C2: variants seen among roughly 807,000 people sequenced by gnomAD.
The protein encoded by C2 is complement C2.
C2 carries 64 observed loss-of-function variants against 85.2 expected under a neutral mutation model. The ratio of observed to expected loss-of-function variants is 0.75; its 90% CI spans 0.61 to 0.92. The LOEUF is 0.92. Ranked by LOEUF, C2 falls within the 40% of genes least tolerant of loss-of-function variation. The probability of loss-of-function intolerance (pLI) is 0.00; values close to 1 mark genes in which losing one functional copy is unlikely to be tolerated. For synonymous variants in C2, 311 were observed against 370.8 expected, an observed-to-expected ratio of 0.84 and a Z score of 1.85; for missense variants, 820 against 971.6, an observed-to-expected ratio of 0.84 and a Z score of 2.07.
chr6:31,900,753 G>C (rs775717094), upstream of C2: 6 of 1,592,184 alleles, frequency 3.8e-6, no homozygotes, highest in Admixed American at 8.5e-5. The surrounding 1 kb of genome is among the most constrained non-coding windows in gnomAD (Gnocchi z 9.7). Context: ...TCATCCAGTG[G>C]GAACTCCAGC....
chr6:31,900,936 T>G, upstream of C2: 3 of 1,614,172 alleles, frequency 1.9e-6, no homozygotes, highest in Non-Finnish European at 2.5e-6. The surrounding 1 kb of genome is among the most constrained non-coding windows in gnomAD (Gnocchi z 9.7). Context: ...ATGAACTGGC[T>G]GAGGGCATTC....
In C2 at chr6:31,943,854, C is replaced by T; in HGVS notation, c.1733+45C>T. ...GGAGGGTGCCCTGCAGGGAAGAGTGCTCTGGAGATCCCTGGAAGAGATACT... is the reference window on the plus strand; with the variant it reads ...GGAGGGTGCCCTGCAGGGAAGAGTGTTCTGGAGATCCCTGGAAGAGATACT... On this transcript the variant is annotated intron_variant, in intron 13 of 17. Transcript: ENST00000299367. The surrounding 1 kb of genome is among the most constrained non-coding windows in gnomAD (Gnocchi z 6.4). 1 of 1,611,514 alleles carries T rather than the reference C, an allele frequency of 6.2e-7. No individual in the cohort carries two copies. Among genetic ancestry groups the T allele is most frequent in the Non-Finnish European group, 8.5e-7 (1 of 1,178,738 alleles).
At chr6:31,897,950 G>A (rs1238873806), upstream of C2, 1 of 1,041,538 alleles carries the variant, frequency 9.6e-7, no homozygotes, top group Admixed American at 5.5e-5. Context: ...TAGGTAACAA[G>A]CGGAGCTTCT....
Position 31,907,667 on chromosome 6 carries a change from C to T in C2, c.73+6528C>T, listed in dbSNP as rs1397588028. 2.0e-5 allele frequency among the ~76,000 whole-genome samples: 3 copies of T among 150,910 alleles called. No homozygotes were observed. In the East Asian group the frequency reaches 5.9e-4, roughly 29 times the overall value. ...AAAGAAGGCTCACTGCAGCCTCGAC[C>T]TTCCTGGACTAATTTATTTATTTAT... On this transcript the variant is annotated intron_variant, in intron 1 of 3. Coordinates refer to the C2 transcript ENST00000452202.
At chr6:31,924,189 T>C (rs546196479), upstream of C2, among the ~76,000 whole-genome samples, 45 of 152,248 alleles carry the variant, frequency 3.0e-4, no homozygotes, top group Non-Finnish European at 6.0e-4. Context: ...GTTTAACGTG[T>C]ATCCTAATAA....
At chr6:31,900,730 C>T, upstream of C2, 1 of 1,597,742 alleles carries the variant, frequency 6.3e-7, no homozygotes, top group East Asian at 2.2e-5. The surrounding 1 kb of genome is among the most constrained non-coding windows in gnomAD (Gnocchi z 9.7). Context: ...CCTCGGCTTT[C>T]AGCTCCAAGT....
Position 31,937,457 on chromosome 6 carries a change from A to C in C2, c.1127A>C (p.Asp376Ala). 6.2e-7 allele frequency: 1 copy of C among 1,612,770 alleles called. No individual in the cohort carries two copies. The highest frequency in any genetic ancestry group is 8.5e-7 in the Non-Finnish European group (1 of 1,179,954). ...CGACATGCCATCATCCTTCTGACAGATGGTGGGTATCATGGTCTCTGAGTG... is the reference window on the plus strand; with the variant it reads ...CGACATGCCATCATCCTTCTGACAGCTGGTGGGTATCATGGTCTCTGAGTG... Reference protein sequence around the residue: ...EIRHAIILLTDGKSNMGGSPK... With the variant: ...EIRHAIILLTAGKSNMGGSPK... Residue 376 changes from aspartate to alanine, a missense_variant and splice_region_variant, in exon 8 of 18, where the codon GAT (aspartate) becomes GCT (alanine). Coordinates refer to ENST00000299367, the MANE Select transcript of C2 (RefSeq NM_000063.6).
rs1262802568 is a variant in C2 at position 31,944,179 on chromosome 6, G to A, written c.1855G>A (p.Ala619Thr). Reference sequence around the variant, plus strand: ...ACAGAGTGTTCCTGCTCATTTTGTCGCCTTGAATGGGAGCAAACTGAACAT... The same window carrying A: ...ACAGAGTGTTCCTGCTCATTTTGTCACCTTGAATGGGAGCAAACTGAACAT... ...NKQSVPAHFVALNGSKLNINL... is the reference protein window; with the variant it reads ...NKQSVPAHFVTLNGSKLNINL... Residue 619 changes from alanine to threonine, a missense_variant, in exon 15 of 18, where the codon GCC becomes ACC. Physicochemically the swap from Ala to Thr is moderately conservative, Grantham distance 58 (BLOSUM62 0). Coordinates refer to ENST00000299367, the MANE Select transcript of C2 (RefSeq NM_000063.6). The surrounding 1 kb of genome is among the most constrained non-coding windows in gnomAD (Gnocchi z 5.1). The A allele has an allele frequency of 9.9e-6, 16 of 1,612,728 alleles. No individual in the cohort carries two copies. The highest frequency in any genetic ancestry group is 1.3e-5 in the African/African-American group (1 of 74,898).
intron 6 of C2, chr6:31,934,731 TG>T: frequency 9.0e-7 from 1 of 1,110,106 alleles, no homozygotes. Context: ...TGTGATAGAC[TG>T]GGCATGGTGG....
intron 1 of C2, among the ~76,000 whole-genome samples, chr6:31,907,841 CTTTTTT>C (rs9281622): frequency 1.5e-5 from 1 of 67,976 alleles, no homozygotes; most frequent in African/African-American, 6.4e-5. Flanking sequence ...CCACTTCTGG[CTTTTTT>C]TTTTTTTTTT....
At chr6:31,933,102 C>T (rs973238288) in intron 3 of C2, among the ~76,000 whole-genome samples, 23 of 152,092 alleles carry the variant, frequency 1.5e-4, no homozygotes, top group African/African-American at 5.3e-4. Flanking sequence ...AGAGGGAGAC[C>T]GTGGAAAGAG....
chr6:31,917,911 A>C (rs1026750175), upstream of C2, among the ~76,000 whole-genome samples: 1 of 152,154 alleles, frequency 6.6e-6, no homozygotes, highest in Admixed American at 6.6e-5. Context: ...ATCTGAAAAA[A>C]AGAGAAAGAA....
rs746768758 is a variant in C2, at chr6:31,943,635, C to A, written c.1568-9C>A. The A allele has an allele frequency of 3.7e-6, 6 of 1,612,950 alleles. No individual in the cohort carries two copies. The Admixed American group carries it at 5.0e-5, about 13-fold the overall frequency. On this transcript the variant is annotated splice_polypyrimidine_tract_variant and intron_variant, in intron 12 of 17. Coordinates refer to ENST00000299367, the MANE Select transcript of C2 (RefSeq NM_000063.6). The surrounding 1 kb of genome is among the most constrained non-coding windows in gnomAD (Gnocchi z 6.4). ...CCTGGTCTAGCCTAATCTAGTGTAT[C>A]ATTTCCAGGAGACCCCAAATCCCAG...
chr6:31,936,378 A>C, intron 7 of C2: 1 of 409,158 alleles, frequency 2.4e-6, no homozygotes, highest in Non-Finnish European at 4.6e-6. Context: ...CCCATACACC[A>C]TGTAAAGTGC....
At chr6:31,917,132 C>T (rs62395855), upstream of C2, among the ~76,000 whole-genome samples, 2,589 of 146,186 alleles carry the variant, frequency 0.018, 30 homozygotes, top group Non-Finnish European at 0.024. Flanking sequence ...GACGGCACCA[C>T]TGCACTCCAG....
chr6:31,919,962 CA>C (rs1232178110), upstream of C2: 1 of 152,178 alleles, frequency 6.6e-6, no homozygotes, highest in African/African-American at 2.4e-5. Flanking sequence ...TCCTAATTCT[CA>C]AAGGTAACCT....
rs1252689895 is a variant in C2 at position 31,928,897 on chromosome 6, C to T, written c.422C>T (p.Thr141Ile). Residue 141 changes from threonine (T) to isoleucine (I), a missense_variant, in exon 3 of 18, where the codon ACA (threonine) becomes ATA (isoleucine). Thr to Ile is a moderately conservative substitution (Grantham distance 89). Transcript: ENST00000299367. ...CCCAACGGCATGTGGGATGGAGAAACAGCTGTGTGTGATAATGGGGGTGAG... is the reference window on the plus strand; with the variant it reads ...CCCAACGGCATGTGGGATGGAGAAATAGCTGTGTGTGATAATGGGGGTGAG... ...CRPNGMWDGE[T>I]AVCDNGAGHC... The T allele has an allele frequency of 1.2e-5, 20 of 1,613,596 alleles. No homozygotes were observed. Among genetic ancestry groups the T allele is most frequent in the Non-Finnish European group, 1.7e-5 (20 of 1,179,592 alleles).
chr6:31,934,068 A>T, intron 5 of C2, 98 bp from the exon 6 acceptor site: 3 of 1,556,684 alleles, frequency 1.9e-6, no homozygotes, highest in Non-Finnish European at 2.7e-6. Context: ...TGGTGGGCTC[A>T]GCCACTGAAA....
At chr6:31,917,556 T>C (rs1387083137), upstream of C2, among the ~76,000 whole-genome samples, 1 of 152,016 alleles carries the variant, frequency 6.6e-6, no homozygotes, top group African/African-American at 2.4e-5. Context: ...AATATACCCA[T>C]GTAACAAACC....
Sources: allele counts gnomAD v4.1 joint callset (sites outside exome capture counted in the v4.1 genomes callset), GRCh38; gene constraint gnomAD v4.1.1; non-coding constraint Gnocchi (gnomAD v3.1); transcripts MANE v1.5; gene names NCBI Gene and HGNC (gene_info 2026-07-23, HGNC 2026-07-21).